The following RTN1 variants were observed in gnomAD, a reference collection of about 807,000 sequenced individuals.
The protein encoded by RTN1 is reticulon-1.
In RTN1, 25 loss-of-function variants were observed where a neutral mutation model predicts 65.5. The ratio of observed to expected loss-of-function variants is 0.38; its 90% CI spans 0.28 to 0.53. RTN1 has a LOEUF of 0.53. Ranked by LOEUF, RTN1 falls within the 20% of genes least tolerant of loss-of-function variation. The pLI, the probability that RTN1 is intolerant of heterozygous loss-of-function variation, is 0.79. For synonymous variants in RTN1, 471 were observed against 447.6 expected, an observed-to-expected ratio of 1.05 and a Z score of -0.66; for missense variants, 983 against 1,025.4, an observed-to-expected ratio of 0.96 and a Z score of 0.57.
At chr14:59,703,234 T>C (rs150645048) in intron 3 of RTN1, among the ~76,000 whole-genome samples, 2 of 152,332 alleles carry the variant, frequency 1.3e-5, no homozygotes, top group East Asian at 3.9e-4. Context: ...GTTTGGGTAT[T>C]TGTCACCTCC....
intron 1 of RTN1, among the ~76,000 whole-genome samples, chr14:59,826,238 C>A (rs183455466): frequency 4.6e-5 from 7 of 152,314 alleles, no homozygotes; most frequent in Admixed American, 4.6e-4. Flanking sequence ...CCAGCTGTAC[C>A]ACTAAACTAG....
intron 1 of RTN1, among the ~76,000 whole-genome samples, chr14:59,791,528 C>T (rs73302044): frequency 0.024 from 3,714 of 152,272 alleles, 159 homozygotes; most frequent in African/African-American, 0.083. Flanking sequence ...ACCAAGGAAA[C>T]TTCATTCAGA....
At chr14:59,736,480 A>C (rs1023207371) in intron 2 of RTN1, among the ~76,000 whole-genome samples, 1 of 152,176 alleles carries the variant, frequency 6.6e-6, no homozygotes, top group Non-Finnish European at 1.5e-5. Flanking sequence ...ACCAGGAAGA[A>C]ACTGAATCCC....
intron 1 of RTN1, among the ~76,000 whole-genome samples, chr14:59,789,125 C>A (rs1469507148): frequency 2.0e-5 from 3 of 151,668 alleles, no homozygotes; most frequent in African/African-American, 7.3e-5. Context: ...ATTTCTTTAG[C>A]TTAATTATGT....
intron 3 of RTN1, among the ~76,000 whole-genome samples, chr14:59,644,341 G>A (rs1268269722): frequency 6.6e-6 from 1 of 152,146 alleles, no homozygotes; most frequent in Non-Finnish European, 1.5e-5. Flanking sequence ...CCCCTACCTG[G>A]GAATCGGTGA....
At chr14:59,788,526 G>C (rs1038319712) in intron 1 of RTN1, among the ~76,000 whole-genome samples, 1 of 152,076 alleles carries the variant, frequency 6.6e-6, no homozygotes, top group African/African-American at 2.4e-5. Context: ...TTTCCATGAA[G>C]TTCCTGTTCA....
At chr14:59,677,634 C>T (rs1455082614) in intron 3 of RTN1, among the ~76,000 whole-genome samples, 6 of 152,062 alleles carry the variant, frequency 3.9e-5, no homozygotes, top group Admixed American at 2.0e-4. Context: ...GGTCCTGAGG[C>T]GGGAGATGCA....
At position 59,727,507 on chromosome 14, in the gene RTN1, G is replaced by A. The variant is rs769849276; in HGVS notation, c.1177C>T (p.Pro393Ser). 16 of 1,597,716 alleles carry A rather than the reference G, an allele frequency of 1.0e-5. No homozygotes were observed. Among genetic ancestry groups the A allele is most frequent in the African/African-American group, 1.3e-5 (1 of 74,660 alleles). The change falls in exon 3 of 9, where the codon CCA becomes TCA. Residue 393 changes from proline to serine, a missense_variant. Pro to Ser is a moderately conservative substitution (Grantham distance 74). Coordinates refer to ENST00000267484, the MANE Select transcript of RTN1 (RefSeq NM_021136.3). The surrounding 1 kb of genome is among the most constrained non-coding windows in gnomAD (Gnocchi z 4.2). ...RPEVKARSGP[P>S]TIPSPLDHEA... Reference sequence around the variant, plus strand: ...TGGTCCAGGGGGCTGGGGATGGTTGGCGGTCCGGACCTGGCCTTGACCTCG... The same window carrying A: ...TGGTCCAGGGGGCTGGGGATGGTTGACGGTCCGGACCTGGCCTTGACCTCG...
At position 59,650,261 on chromosome 14, in the gene RTN1, A is replaced by T. The variant is rs149014859; in HGVS notation, c.1766-42769T>A. On this transcript the variant is annotated intron_variant, in intron 3 of 8. Transcript: ENST00000267484. ...ACCAGGGCCTGTCAGATGTGCAGGG[A>T]AAGAAGAGGAAGAGCATTAGGACAA... 2.0e-3 allele frequency among the ~76,000 whole-genome samples: 312 copies of T among 152,276 alleles called. 7 individuals are homozygous for T. The East Asian group carries it at 0.035, about 17-fold the overall frequency.
chr14:59,826,909 T>A (rs1043342836), intron 1 of RTN1, among the ~76,000 whole-genome samples: 24 of 152,084 alleles, frequency 1.6e-4, no homozygotes, highest in Non-Finnish European at 8.8e-5. Flanking sequence ...TAAAATAGAC[T>A]TGACTGCTAG....
chr14:59,800,973 TC>T (rs1886535721), intron 1 of RTN1, among the ~76,000 whole-genome samples: 1 of 151,800 alleles, frequency 6.6e-6, no homozygotes, highest in Non-Finnish European at 1.5e-5. Context: ...AAAAAGCTCA[TC>T]AGCTTACTGG....
intron 3 of RTN1, among the ~76,000 whole-genome samples, chr14:59,709,950 C>A (rs937834510): frequency 2.6e-5 from 4 of 151,986 alleles, no homozygotes; most frequent in Non-Finnish European, 4.4e-5. Flanking sequence ...GGGCTGAACA[C>A]CTTCCTTTTT....
At chr14:59,658,432 CCTGAATGGGAGACA>C (rs1293194465) in intron 3 of RTN1, among the ~76,000 whole-genome samples, 1 of 152,232 alleles carries the variant, frequency 6.6e-6, no homozygotes, top group Non-Finnish European at 1.5e-5. Context: ...CCCTGTGTCT[CCTGAATGGGAGACA>C]CCTCCAGCAG....
intron 3 of RTN1, among the ~76,000 whole-genome samples, chr14:59,691,710 G>T (rs1394982643): frequency 5.3e-5 from 8 of 152,044 alleles, no homozygotes; most frequent in Non-Finnish European, 8.8e-5. Flanking sequence ...ATCAAACCCA[G>T]CAGGTCATCA....
intron 3 of RTN1, among the ~76,000 whole-genome samples, chr14:59,674,435 G>T (rs1883577185): frequency 6.6e-6 from 1 of 152,214 alleles, no homozygotes; most frequent in South Asian, 2.1e-4. Flanking sequence ...CACAATGCAG[G>T]TGATATTAGT....
chr14:59,615,731 T>G (rs1035167818), intron 3 of RTN1, among the ~76,000 whole-genome samples: 23 of 152,226 alleles, frequency 1.5e-4, no homozygotes, highest in Admixed American at 7.9e-4. Flanking sequence ...AAGATGATTT[T>G]TATGTAATGT....
chr14:59,766,194 C>A lies in RTN1; in HGVS notation c.242-19713G>T, dbSNP rs1885846375. ...GCAGTGAGTGGAGATCATGCCAATG[C>A]ACTCCAGCCTGGGTGACAGAGTGAG... On this transcript the variant is annotated intron_variant, in intron 1 of 8. Transcript: ENST00000267484. The surrounding 1 kb of genome is among the most constrained non-coding windows in gnomAD (Gnocchi z 4.4). Among the ~76,000 whole-genome samples, 2 of 151,608 alleles carry A rather than the reference C, an allele frequency of 1.3e-5. No homozygotes were observed. Among genetic ancestry groups the A allele is most frequent in the Non-Finnish European group, 2.9e-5 (2 of 67,950 alleles).
At chr14:59,844,060 G>A (rs1211306902) in intron 1 of RTN1, among the ~76,000 whole-genome samples, 1 of 152,168 alleles carries the variant, frequency 6.6e-6, no homozygotes, top group Non-Finnish European at 1.5e-5. Context: ...CTCTTTGTGA[G>A]AATACAGGCT....
chr14:59,613,592 C>T (rs980769030), intron 3 of RTN1, among the ~76,000 whole-genome samples: 13 of 152,148 alleles, frequency 8.5e-5, no homozygotes, highest in African/African-American at 3.1e-4. Flanking sequence ...GCCACCGCGC[C>T]CGGCCTATAG....
Sources: allele counts gnomAD v4.1 joint callset (sites outside exome capture counted in the v4.1 genomes callset), GRCh38; gene constraint gnomAD v4.1.1; non-coding constraint Gnocchi (gnomAD v3.1); transcripts MANE v1.5; gene names NCBI Gene and HGNC (gene_info 2026-07-23, HGNC 2026-07-21).